BTRC: variants seen among roughly 807,000 people sequenced by gnomAD.
BTRC encodes the protein F-box/WD repeat-containing protein 1A.
In BTRC, 42 loss-of-function variants were observed where a neutral mutation model predicts 85.5. The ratio of observed to expected loss-of-function variants is 0.49; its 90% CI spans 0.38 to 0.64. The LOEUF is 0.64. BTRC is among the 30% of genes least tolerant of loss of function. BTRC has a pLI of 0.00. For missense variants in BTRC, 594 were observed against 743.5 expected, an observed-to-expected ratio of 0.80 and a Z score of 2.34; for synonymous variants, 255 against 263.3, an observed-to-expected ratio of 0.97 and a Z score of 0.30.
Position 101,540,166 on chromosome 10 carries a change from C to T in BTRC, c.1656+1795C>T, listed in dbSNP as rs530232431. On this transcript the variant is annotated intron_variant, in intron 13 of 14. Transcript: ENST00000370187. ...ACTTTTTCTATTATGGCCTATGTTA[C>T]TTGCTGTTGTATCTCAGAAAAACCT... Among the ~76,000 whole-genome samples, 6 of 152,258 alleles carry T rather than the reference C, an allele frequency of 3.9e-5. No homozygotes were observed. The South Asian group carries it at 1.2e-3, about 32-fold the overall frequency.
intron 6 of BTRC, among the ~76,000 whole-genome samples, chr10:101,530,168 G>A: frequency 6.6e-6 from 1 of 152,180 alleles, no homozygotes; most frequent in East Asian, 1.9e-4. Context: ...AATCAGGGAA[G>A]GCAGTTAAGT....
At chr10:101,541,435 A>G (rs2062467220) in intron 13 of BTRC, among the ~76,000 whole-genome samples, 1 of 151,612 alleles carries the variant, frequency 6.6e-6, no homozygotes. Context: ...GATTTTTTGT[A>G]TTTTTTAGTA....
intron 1 of BTRC, among the ~76,000 whole-genome samples, chr10:101,404,721 G>A (rs757645385): frequency 6.6e-6 from 1 of 152,146 alleles, no homozygotes; most frequent in Non-Finnish European, 1.5e-5. Flanking sequence ...ATGCCTGGCC[G>A]AGTGCAGTGG....
Position 101,381,028 on chromosome 10 carries a change from A to G in BTRC, c.48+26800A>G, listed in dbSNP as rs530205770. ...GGTAAAAATACAGTGTTATAATTTT[A>G]TGAGACCACTGTTGCATATCTGACC... On this transcript the variant is annotated intron_variant, in intron 1 of 14. Transcript: ENST00000370187. 2.0e-5 allele frequency among the ~76,000 whole-genome samples: 3 copies of G among 152,156 alleles called. No homozygotes were observed. The East Asian group carries it at 5.8e-4, about 29-fold the overall frequency.
At chr10:101,478,227 G>A (rs1290662559) in intron 3 of BTRC, among the ~76,000 whole-genome samples, 1 of 151,802 alleles carries the variant, frequency 6.6e-6, no homozygotes, top group East Asian at 2.0e-4. Flanking sequence ...CTTGAACCTG[G>A]GAGGCGGAGG....
chr10:101,447,023 A>G (rs1254141452), intron 2 of BTRC, among the ~76,000 whole-genome samples: 2 of 152,094 alleles, frequency 1.3e-5, no homozygotes, highest in Non-Finnish European at 2.9e-5. Context: ...TTACAAAGCA[A>G]TAGAAGCATG....
intron 1 of BTRC, among the ~76,000 whole-genome samples, chr10:101,399,077 T>G (rs1267969439): frequency 6.6e-6 from 1 of 152,134 alleles, no homozygotes; most frequent in African/African-American, 2.4e-5. Context: ...ATCAGCCTCC[T>G]GAGTAACTGG....
At chr10:101,361,381 C>T (rs1251151710) in intron 1 of BTRC, among the ~76,000 whole-genome samples, 6 of 152,214 alleles carry the variant, frequency 3.9e-5, no homozygotes, top group Non-Finnish European at 5.9e-5. Flanking sequence ...GCTGGGATTA[C>T]AGGCATGTGC....
rs553525679 is a variant in BTRC at position 101,462,916 on chromosome 10, G to T, written c.234+858G>T. 2.6e-5 allele frequency among the ~76,000 whole-genome samples: 4 copies of T among 151,982 alleles called. No homozygotes were observed. The South Asian group carries it at 8.3e-4, about 32-fold the overall frequency. ...AAAGCCTCACTCTGTCGCCCAGGCTGGAGTGCAGTGGCGTGATCTCGGCTC... is the reference window on the plus strand; with the variant it reads ...AAAGCCTCACTCTGTCGCCCAGGCTTGAGTGCAGTGGCGTGATCTCGGCTC... On this transcript the variant is annotated intron_variant, in intron 3 of 14. Transcript: ENST00000370187.
At chr10:101,410,525 A>G (rs1429942492) in intron 1 of BTRC, among the ~76,000 whole-genome samples, 7 of 151,926 alleles carry the variant, frequency 4.6e-5, no homozygotes, top group African/African-American at 1.7e-4. Flanking sequence ...GAGGCAGGAG[A>G]ATTGCTTGAA....
At chr10:101,414,531 ACTT>A (rs1943872931) in intron 1 of BTRC, 1 of 403,606 alleles carries the variant, frequency 2.5e-6, no homozygotes, top group East Asian at 6.8e-5. Flanking sequence ...AGAGTGGGCT[ACTT>A]CTACTTATTA....
At chr10:101,471,680 A>G (rs1275101424) in intron 3 of BTRC, among the ~76,000 whole-genome samples, 3 of 152,146 alleles carry the variant, frequency 2.0e-5, no homozygotes, top group Non-Finnish European at 2.9e-5. Flanking sequence ...TTCAGATTTC[A>G]TAGAATTCAC....
At chr10:101,523,665 G>A (rs552398058) in intron 5 of BTRC, among the ~76,000 whole-genome samples, 2 of 152,292 alleles carry the variant, frequency 1.3e-5, no homozygotes, top group South Asian at 2.1e-4. Context: ...TTGGCAGGTA[G>A]CCTGTTTTCT....
chr10:101,513,676 C>A (rs1455461367), intron 4 of BTRC, among the ~76,000 whole-genome samples: 2 of 152,100 alleles, frequency 1.3e-5, no homozygotes, highest in African/African-American at 4.8e-5. Flanking sequence ...ACCAGTTAAT[C>A]TTTTGATGGA....
chr10:101,428,083 A>G (rs1029475936), intron 1 of BTRC, among the ~76,000 whole-genome samples: 5 of 152,174 alleles, frequency 3.3e-5, no homozygotes, highest in African/African-American at 1.2e-4. Flanking sequence ...AACCGCTGGC[A>G]GAGACTGAAA....
intron 14 of BTRC, among the ~76,000 whole-genome samples, chr10:101,552,339 G>A (rs2062664622): frequency 6.7e-6 from 1 of 149,010 alleles, no homozygotes. Flanking sequence ...ACAACACCAT[G>A]ACCAGCTAAT....
intron 1 of BTRC, among the ~76,000 whole-genome samples, chr10:101,383,237 T>C (rs1394281855): frequency 6.6e-6 from 1 of 151,806 alleles, no homozygotes; most frequent in Non-Finnish European, 1.5e-5. Flanking sequence ...CTAATTTTTT[T>C]ATTTTTCACA....
At chr10:101,434,586 T>C (rs1944479808) in intron 2 of BTRC, among the ~76,000 whole-genome samples, 1 of 152,080 alleles carries the variant, frequency 6.6e-6, no homozygotes, top group African/African-American at 2.4e-5. Context: ...ACTGATAAAT[T>C]GGACTTCATC....
chr10:101,366,056 C>G (rs1409457446), intron 1 of BTRC, among the ~76,000 whole-genome samples: 1 of 151,976 alleles, frequency 6.6e-6, no homozygotes, highest in Non-Finnish European at 1.5e-5. Context: ...TTCTAAATTG[C>G]CATGTATAAG....
Sources: gnomAD v4.1 joint callset for allele counts (sites outside exome capture counted in the v4.1 genomes callset) on GRCh38, gnomAD v4.1.1 for gene constraint, MANE v1.5 for transcripts, NCBI Gene and HGNC (gene_info 2026-07-23, HGNC 2026-07-21) for gene names.